The following RXRA variants were observed in gnomAD, a reference collection of about 807,000 sequenced individuals.
The protein encoded by RXRA is retinoic acid receptor RXR-alpha.
A neutral mutation model predicts 44.5 loss-of-function variants in RXRA; 5 were observed. The ratio of observed to expected loss-of-function variants is 0.11; its 90% CI spans 0.06 to 0.24. The LOEUF (loss-of-function observed/expected upper bound fraction) is 0.24. RXRA is among the 10% of genes least tolerant of loss of function. The probability of loss-of-function intolerance (pLI) is 1.00; values close to 1 mark genes in which losing one functional copy is unlikely to be tolerated. For missense variants in RXRA, 412 were observed against 646.5 expected (o/e 0.64, Z 3.93); for synonymous variants, 291 against 271.4 (o/e 1.07, Z -0.71).
chr9:134,329,240 C>G (rs1588243874), intron 1 of RXRA, among the ~76,000 whole-genome samples: 1 of 152,340 alleles, frequency 6.6e-6, no homozygotes, highest in Admixed American at 6.5e-5. Context: ...ACATCAGAGC[C>G]CTTGGGACCC....
intron 7 of RXRA, among the ~76,000 whole-genome samples, chr9:134,430,226 A>G (rs957533368): frequency 6.6e-6 from 1 of 152,166 alleles, no homozygotes; most frequent in Non-Finnish European, 1.5e-5. Flanking sequence ...AGAGCCACAC[A>G]CACCAGACTG....
At chr9:134,413,097 C>T (rs1831175931) in intron 4 of RXRA, among the ~76,000 whole-genome samples, 1 of 152,150 alleles carries the variant, frequency 6.6e-6, no homozygotes, top group Non-Finnish European at 1.5e-5. Context: ...GCCCTCTTGC[C>T]TTCTGGCCTG....
chr9:134,429,351 G>T, intron 7 of RXRA, 111 bp downstream of exon 7: 1 of 1,138,230 alleles, frequency 8.8e-7, no homozygotes, highest in Non-Finnish European at 1.2e-6. Context: ...TTATTTCAGT[G>T]CATGAAGGGT....
chr9:134,369,937 C>A (rs1345575428), intron 1 of RXRA, among the ~76,000 whole-genome samples: 1 of 152,186 alleles, frequency 6.6e-6, no homozygotes, highest in Non-Finnish European at 1.5e-5. Flanking sequence ...CACGTGGGAG[C>A]TCGCCACGGA....
intron 6 of RXRA, chr9:134,424,272 A>C (rs963811512): frequency 1.9e-5 from 19 of 985,204 alleles, no homozygotes; most frequent in African/African-American, 3.5e-5. Flanking sequence ...ATGAGTCCCC[A>C]GGCCCTTCTA....
chr9:134,423,316 G>C lies in RXRA; in HGVS notation c.910+1511G>C, dbSNP rs891110698. 9 of 985,336 alleles carry C rather than the reference G, an allele frequency of 9.1e-6. No homozygotes were observed. The African/African-American group carries it at 1.4e-4, about 15-fold the overall frequency. 61.0% of individuals were successfully genotyped at this position (985,336 alleles called of 1,614,324 possible). On this transcript the variant is annotated intron_variant, in intron 6 of 9. Transcript: ENST00000481739. ...GGCCCAAGAAGCCAAGCTCCCTTAG[G>C]GCCGGGTGTCCCAGCTGCCTAGAGG...
chr9:134,368,673 A>T (rs955590989), intron 1 of RXRA, among the ~76,000 whole-genome samples: 1 of 148,014 alleles, frequency 6.8e-6, no homozygotes, highest in Admixed American at 6.7e-5. Flanking sequence ...GTGACTGAGG[A>T]TGTATGTGTG....
rs377426477 is a variant in RXRA at position 134,381,664 on chromosome 9, C to T, written c.29-19968C>T. Among the ~76,000 whole-genome samples, 20 of 152,090 alleles carry T rather than the reference C, an allele frequency of 1.3e-4. No homozygotes were observed. The East Asian group carries it at 1.6e-3, about 12-fold the overall frequency. ...TGGTGCTGGCCTTGAGGGATCTGGCCGGCAGGTAGGCAAGTGAATGACAGA... is the reference window on the plus strand; with the variant it reads ...TGGTGCTGGCCTTGAGGGATCTGGCTGGCAGGTAGGCAAGTGAATGACAGA... On this transcript the variant is annotated intron_variant, in intron 1 of 9. Coordinates refer to ENST00000481739, the MANE Select transcript of RXRA (RefSeq NM_002957.6).
intron 1 of RXRA, chr9:134,372,019 C>T (rs1830497215): frequency 6.6e-6 from 1 of 152,196 alleles, no homozygotes; most frequent in Admixed American, 6.5e-5. Context: ...GCTCAGGCCC[C>T]ACTTCCCTCC....
In RXRA at chr9:134,407,408, C is replaced by T. The variant is rs578182671; in HGVS notation, c.280-741C>T. On this transcript the variant is annotated intron_variant, in intron 2 of 9. Coordinates refer to ENST00000481739, the MANE Select transcript of RXRA (RefSeq NM_002957.6). This position sits in a 1 kb window ranked among gnomAD's most constrained non-coding sequence, Gnocchi z 4.8. ...GCAGCGGGAAGCGCCTGTGGGTCCT[C>T]GGCGCTGACTGCAGAGCTGGGTGGA... Among the ~76,000 whole-genome samples the T allele has an allele frequency of 1.4e-4, 22 of 152,298 alleles. No homozygotes were observed. Among genetic ancestry groups the T allele is most frequent in the Admixed American group, 5.2e-4 (8 of 15,302 alleles).
chr9:134,377,149 C>A (rs778892106), intron 1 of RXRA, among the ~76,000 whole-genome samples: 2 of 152,216 alleles, frequency 1.3e-5, no homozygotes, highest in Non-Finnish European at 2.9e-5. Flanking sequence ...TCGCTGCATC[C>A]GTGCTGGGCA....
intron 1 of RXRA, among the ~76,000 whole-genome samples, chr9:134,327,329 C>T (rs537054049): frequency 1.4e-4 from 22 of 152,274 alleles, no homozygotes; most frequent in Non-Finnish European, 2.6e-4. Flanking sequence ...CAGGACAGCG[C>T]AGAGGCGCGT....
rs372346626 is a variant in RXRA at position 134,339,160 on chromosome 9, G to A, written c.28+12501G>A. Among the ~76,000 whole-genome samples, 10 of 152,350 alleles carry A rather than the reference G, an allele frequency of 6.6e-5. No individual in the cohort carries two copies. The East Asian group carries it at 7.7e-4, about 12-fold the overall frequency. On this transcript the variant is annotated intron_variant, in intron 1 of 9. Transcript: ENST00000481739. ...GGCCCTGCCTCCCTGTGCCCTGTCC[G>A]TAGGGACCCTCTCATGCCCTCTGGC...
In RXRA at chr9:134,433,492, G is replaced by A. The variant is rs1426580249; in HGVS notation, c.1136-610G>A. 6.7e-6 allele frequency among the ~76,000 whole-genome samples: 1 copy of A among 148,670 alleles called. No homozygotes were observed. The highest frequency in any genetic ancestry group is 1.9e-4 in the East Asian group (1 of 5,186). ...CAAGGAGCCCAGGACACAGGCCAAG[G>A]TGGCATTCACAGGGGGTCCCTGGGC... On this transcript the variant is annotated intron_variant, in intron 8 of 9. Transcript: ENST00000481739. The surrounding 1 kb of genome is among the most constrained non-coding windows in gnomAD (Gnocchi z 4.2).
chr9:134,401,372 G>C, intron 1 of RXRA: 1 of 531,484 alleles, frequency 1.9e-6, no homozygotes. Context: ...CATTCACAGC[G>C]GGTTCTTCCT....
chr9:134,384,915 G>A (rs1015330302), intron 1 of RXRA, among the ~76,000 whole-genome samples: 3 of 152,184 alleles, frequency 2.0e-5, no homozygotes, highest in African/African-American at 7.2e-5. Flanking sequence ...GCATGTGGGG[G>A]TGCCATCACA....
chr9:134,337,615 G>A (rs1299425027), intron 1 of RXRA, among the ~76,000 whole-genome samples: 1 of 152,222 alleles, frequency 6.6e-6, no homozygotes, highest in East Asian at 1.9e-4. Context: ...GGAGGCATTA[G>A]CGGCTCACCC....
In RXRA at chr9:134,358,402, G is replaced by A. The variant is rs147257977; in HGVS notation, c.28+31743G>A. Among the ~76,000 whole-genome samples the A allele has an allele frequency of 7.5e-3, 1,145 of 152,344 alleles. 4 individuals are homozygous for A. The highest frequency in any genetic ancestry group is 0.012 in the African/African-American group (506 of 41,578). ...GGAGCTGGAGGGAGGGCTTCCTGGG[G>A]GAGGTAACAGGGAACATATGGGGAA... On this transcript the variant is annotated intron_variant, in intron 1 of 9. Coordinates refer to ENST00000481739, the MANE Select transcript of RXRA (RefSeq NM_002957.6).
At chr9:134,362,710 C>T (rs1409369300) in intron 1 of RXRA, among the ~76,000 whole-genome samples, 1 of 152,246 alleles carries the variant, frequency 6.6e-6, no homozygotes, top group African/African-American at 2.4e-5. Context: ...GCTGGTGAGG[C>T]CCAGCAAGGC....
Sources: allele counts gnomAD v4.1 joint callset (sites outside exome capture counted in the v4.1 genomes callset), GRCh38; gene constraint gnomAD v4.1.1; non-coding constraint Gnocchi (gnomAD v3.1); transcripts MANE v1.5; gene names NCBI Gene and HGNC (gene_info 2026-07-23, HGNC 2026-07-21).